EYS: variants seen among roughly 807,000 people sequenced by gnomAD.
The protein encoded by EYS is EGF-like photoreceptor maintenance factor.
In EYS, 250 loss-of-function variants were observed where a neutral mutation model predicts 282.1. That is an observed-to-expected ratio of 0.89 (90% CI 0.80 to 0.98). The LOEUF (loss-of-function observed/expected upper bound fraction) is 0.98. EYS is among the 50% of genes least tolerant of loss of function. The pLI is 0.00. For missense variants in EYS, 4,016 were observed against 3,709.0 expected, an observed-to-expected ratio of 1.08 and a Z score of -2.15; for synonymous variants, 1,355 against 1,282.9, an observed-to-expected ratio of 1.06 and a Z score of -1.20.
intron 30 of EYS, among the ~76,000 whole-genome samples, chr6:64,296,483 C>T (rs1768992536): frequency 6.8e-6 from 1 of 146,796 alleles, no homozygotes; most frequent in African/African-American, 2.5e-5. Flanking sequence ...GGAAATAAGG[C>T]AGAGTAGAGA....
chr6:65,102,729 A>G (rs1217740826), intron 12 of EYS, among the ~76,000 whole-genome samples: 1 of 151,316 alleles, frequency 6.6e-6, no homozygotes, highest in Non-Finnish European at 1.5e-5. Context: ...CTGCTGGCAT[A>G]TCATGACAGC....
intron 14 of EYS, among the ~76,000 whole-genome samples, chr6:64,984,978 C>A (rs1770805525): frequency 6.6e-6 from 1 of 151,476 alleles, no homozygotes; most frequent in Non-Finnish European, 1.5e-5. Context: ...TGCTGAAAAT[C>A]AGACAATGAA....
At chr6:64,311,617 G>A (rs1209542228) in intron 29 of EYS, among the ~76,000 whole-genome samples, 1 of 152,160 alleles carries the variant, frequency 6.6e-6, no homozygotes, top group African/African-American at 2.4e-5. Flanking sequence ...CTGGTGTGCA[G>A]CTCCCATCAA....
chr6:65,544,984 G>C (rs1358300266), intron 2 of EYS, among the ~76,000 whole-genome samples: 1 of 152,024 alleles, frequency 6.6e-6, no homozygotes, highest in Non-Finnish European at 1.5e-5. Flanking sequence ...TATGTAAAAA[G>C]TTATTTTATT....
intron 26 of EYS, among the ~76,000 whole-genome samples, chr6:64,500,089 T>C (rs1290295569): frequency 6.6e-6 from 1 of 152,116 alleles, no homozygotes; most frequent in Admixed American, 6.6e-5. Flanking sequence ...AATAAAATGA[T>C]AAAAAATAAG....
At chr6:64,095,826 G>A (rs1453879924) in intron 31 of EYS, among the ~76,000 whole-genome samples, 13 of 152,132 alleles carry the variant, frequency 8.5e-5, no homozygotes, top group Non-Finnish European at 1.9e-4. Flanking sequence ...TTGCTCATTA[G>A]TTGATGCAGT....
rs1356174967 is a variant in EYS, at chr6:64,617,485, G to A, written c.3617C>T (p.Ser1206Leu). The A allele has an allele frequency of 1.3e-6, 2 of 1,550,918 alleles. No individual in the cohort carries two copies. Among genetic ancestry groups the A allele is most frequent in the Admixed American group, 3.9e-5 (2 of 50,958 alleles). The stretch of plus-strand genomic sequence containing the variant: ...CTCCATGCAGAGTTCATGAACACAT[G>A]AGTTGGGAATGCACTCAAGCTCATT... The part of the protein sequence containing the change: ...CENELECIPN[S>L]CVHELCMENE... The change falls in exon 24 of 43, where the codon TCA (serine) becomes TTA (leucine). Residue 1206 changes from serine (S) to leucine (L), a missense_variant. Ser to Leu is a moderately radical substitution (Grantham distance 145). Coordinates refer to ENST00000503581, the MANE Select transcript of EYS (RefSeq NM_001142800.2).
intron 1 of EYS, among the ~76,000 whole-genome samples, chr6:65,679,768 G>T (rs954163697): frequency 6.6e-6 from 1 of 151,912 alleles, no homozygotes; most frequent in Non-Finnish European, 1.5e-5. Flanking sequence ...CTACAGTATA[G>T]TAAAGGAAAC....
At chr6:65,705,469 C>A (rs1186389522) in intron 1 of EYS, among the ~76,000 whole-genome samples, 1 of 152,156 alleles carries the variant, frequency 6.6e-6, no homozygotes, top group Non-Finnish European at 1.5e-5. Flanking sequence ...CCAAGTAAGT[C>A]AATACAGTTT....
At chr6:65,145,000 A>T (rs1463004316) in intron 12 of EYS, among the ~76,000 whole-genome samples, 3 of 151,906 alleles carry the variant, frequency 2.0e-5, no homozygotes, top group Non-Finnish European at 4.4e-5. Flanking sequence ...CAAACTCCTG[A>T]CCTCATGTGA....
intron 29 of EYS, among the ~76,000 whole-genome samples, chr6:64,332,249 T>C (rs557628681): frequency 1.3e-5 from 2 of 152,188 alleles, no homozygotes; most frequent in Non-Finnish European, 2.9e-5. Context: ...TGTGAGATAG[T>C]GTTCGGCTGA....
intron 28 of EYS, among the ~76,000 whole-genome samples, chr6:64,422,005 G>A (rs1156567080): frequency 6.6e-6 from 1 of 151,960 alleles, no homozygotes; most frequent in Non-Finnish European, 1.5e-5. Flanking sequence ...TCCCAAGTGA[G>A]GGAAGGGGTA....
intron 22 of EYS, among the ~76,000 whole-genome samples, chr6:64,701,614 C>A (rs1241756509): frequency 1.3e-5 from 2 of 152,016 alleles, no homozygotes; most frequent in African/African-American, 4.8e-5. Flanking sequence ...TCAAATACTG[C>A]AGGTTCTCAC....
At chr6:64,009,281 C>A (rs2149810137) in intron 33 of EYS, among the ~76,000 whole-genome samples, 1 of 150,590 alleles carries the variant, frequency 6.6e-6, no homozygotes, top group East Asian at 1.9e-4. Context: ...TTAGGAAATT[C>A]TCGATTTTTT....
chr6:64,183,751 G>C (rs535518635), intron 31 of EYS, among the ~76,000 whole-genome samples: 7 of 152,198 alleles, frequency 4.6e-5, no homozygotes, highest in African/African-American at 1.7e-4. Flanking sequence ...CATATGGATT[G>C]ATTGAAACAG....
chr6:64,292,411 C>T (rs1340469635), intron 30 of EYS, among the ~76,000 whole-genome samples: 1 of 152,028 alleles, frequency 6.6e-6, no homozygotes, highest in Non-Finnish European at 1.5e-5. Flanking sequence ...GTTAATTGTT[C>T]TTCATATGAT....
intron 26 of EYS, among the ~76,000 whole-genome samples, chr6:64,501,922 T>C (rs189399195): frequency 1.2e-3 from 179 of 150,956 alleles, no homozygotes; most frequent in African/African-American, 4.0e-3. Context: ...GGTGCCAGAG[T>C]GGCTCCTGCA....
chr6:64,611,131 T>G (rs1015697031), intron 24 of EYS, among the ~76,000 whole-genome samples: 8 of 152,200 alleles, frequency 5.3e-5, no homozygotes, highest in African/African-American at 1.9e-4. Context: ...CTAATTGATC[T>G]GGGGAGAGGA....
intron 22 of EYS, among the ~76,000 whole-genome samples, chr6:64,713,883 C>T (rs892043965): frequency 1.4e-4 from 21 of 152,176 alleles, no homozygotes; most frequent in Middle Eastern, 3.4e-3. Context: ...CTCCATGAAA[C>T]GAATAACCTT....
Sources: gnomAD v4.1 joint callset for allele counts (sites outside exome capture counted in the v4.1 genomes callset) on GRCh38, gnomAD v4.1.1 for gene constraint, MANE v1.5 for transcripts, NCBI Gene and HGNC (gene_info 2026-07-23, HGNC 2026-07-21) for gene names.